Variants in HVCN1 observed in about 807,000 individuals in gnomAD.
HVCN1 encodes the protein hydrogen voltage gated channel 1.
A neutral mutation model predicts 29.2 loss-of-function variants in HVCN1; 14 were observed. The ratio of observed to expected loss-of-function variants is 0.48; its 90% CI spans 0.32 to 0.75. HVCN1 has a LOEUF of 0.75. Among genes scored for constraint, HVCN1 ranks in the 30% least tolerant of loss-of-function variants. HVCN1 has a pLI of 0.04. For synonymous variants in HVCN1, 131 were observed against 133.2 expected (o/e 0.98, Z 0.11); for missense variants, 263 against 341.8 (o/e 0.77, Z 1.82).
At chr12:110,659,202 A>AT (rs11361209) in intron 4 of HVCN1, among the ~76,000 whole-genome samples, 6 of 150,646 alleles carry the variant, frequency 4.0e-5, no homozygotes, top group African/African-American at 7.3e-5. Context: ...GACCAAAATA[A>AT]TTTTTTTTTT....
rs576762111 is a variant in HVCN1, at chr12:110,667,424, G to A, written c.22-5976C>T. 4.2e-4 allele frequency among the ~76,000 whole-genome samples: 64 copies of A among 151,958 alleles called. No individual in the cohort carries two copies. In the South Asian group the frequency reaches 0.012, roughly 28 times the overall value. ...GCTGGGATTACACGCGTGAGCCACC[G>A]TGCCTGGCCATAATTCCCTTTTTTG... On this transcript the variant is annotated intron_variant, in intron 3 of 7. Coordinates refer to ENST00000242607, the MANE Select transcript of HVCN1 (RefSeq NM_032369.4).
In HVCN1 at chr12:110,698,233, C is replaced by G. The variant is rs941692355; in HGVS notation, c.-104+4076G>C. 4.6e-5 allele frequency among the ~76,000 whole-genome samples: 7 copies of G among 152,304 alleles called. No homozygotes were observed. In the East Asian group the frequency reaches 1.3e-3, roughly 29 times the overall value. On this transcript the variant is annotated intron_variant, in intron 2 of 4. Coordinates refer to the HVCN1 transcript ENST00000546713. ...CAGGCTGGTCTTGAACTCCTAGCTTCAAGCGATCCTCCCGTCTTGGCCTCC... is the reference window on the plus strand; with the variant it reads ...CAGGCTGGTCTTGAACTCCTAGCTTGAAGCGATCCTCCCGTCTTGGCCTCC...
chr12:110,673,680 T>C (rs577750445), intron 3 of HVCN1, among the ~76,000 whole-genome samples: 2 of 152,292 alleles, frequency 1.3e-5, no homozygotes, highest in African/African-American at 4.8e-5. Flanking sequence ...GGGGCCAACA[T>C]ACAGCTCAGG....
chr12:110,692,037 C>G (rs1167576596), upstream of HVCN1, among the ~76,000 whole-genome samples: 3 of 152,190 alleles, frequency 2.0e-5, no homozygotes, highest in African/African-American at 4.8e-5. Context: ...TTTCAGTGGA[C>G]AGGAAAAGAT....
intron 1 of HVCN1, among the ~76,000 whole-genome samples, chr12:110,704,140 T>C (rs1422070608): frequency 6.6e-6 from 1 of 152,166 alleles, no homozygotes; most frequent in Non-Finnish European, 1.5e-5. Context: ...ATATTCCCTC[T>C]GGCATGATTT....
At chr12:110,664,542 C>T (rs1354021551) in intron 3 of HVCN1, among the ~76,000 whole-genome samples, 1 of 152,172 alleles carries the variant, frequency 6.6e-6, no homozygotes, top group East Asian at 1.9e-4. Flanking sequence ...GATTATCCCT[C>T]CTGCCATAAC....
rs142929406 is a variant in HVCN1, at chr12:110,652,446, A to G, written c.412-998T>C. 2.9e-3 allele frequency among the ~76,000 whole-genome samples: 434 copies of G among 152,264 alleles called. 2 individuals are homozygous for G. The highest frequency in any genetic ancestry group is 9.5e-3 in the African/African-American group (395 of 41,562). ...CTCACACCAAGATAACCATTTCCAG[A>G]TCTGAGGCAGGGGAGGTACAATGTG... On this transcript the variant is annotated intron_variant, in intron 5 of 7. Transcript: ENST00000242607.
In HVCN1 at chr12:110,648,921, G is replaced by C; in HGVS notation, c.*489C>G. 5 of 413,530 alleles carry C rather than the reference G, an allele frequency of 1.2e-5. No homozygotes were observed. Among genetic ancestry groups the C allele is most frequent in the South Asian group, 8.8e-5 (5 of 56,702 alleles). The allele number at this position is 413,530 out of a possible 1,614,324, so 25.6% of individuals were successfully genotyped here. On this transcript the variant is annotated 3_prime_UTR_variant, in exon 8 of 8. Coordinates refer to ENST00000242607, the MANE Select transcript of HVCN1 (RefSeq NM_032369.4). ...CTGGCTGATGCAGCTGGGGCACACA[G>C]AGGAGGGGCCTGGGTACCCCTTTTG... is the stretch of plus-strand genomic sequence containing the variant.
upstream of HVCN1, among the ~76,000 whole-genome samples, chr12:110,691,306 G>A (rs375717989): frequency 4.8e-4 from 73 of 151,856 alleles, 1 homozygote; most frequent in Non-Finnish European, 1.0e-4. Context: ...CTCGTGCTCC[G>A]TCCTCCTCGG....
chr12:110,650,555 G>C (rs2067758127), intron 6 of HVCN1, among the ~76,000 whole-genome samples: 1 of 152,154 alleles, frequency 6.6e-6, no homozygotes, highest in Non-Finnish European at 1.5e-5. Flanking sequence ...CCTAGAACCT[G>C]TTCACAATCA....
chr12:110,688,573 G>T (rs1365478691), intron 2 of HVCN1, 52 bp downstream of exon 2: 1 of 152,320 alleles, frequency 6.6e-6, no homozygotes, highest in South Asian at 2.1e-4. Flanking sequence ...ACAATCTCCC[G>T]GGAGGGCAGC....
chr12:110,657,606 A>C (rs2068033405), intron 4 of HVCN1, among the ~76,000 whole-genome samples: 1 of 152,336 alleles, frequency 6.6e-6, no homozygotes, highest in South Asian at 2.1e-4. Context: ...ATTTACTTAA[A>C]AATGATTGTT....
intron 3 of HVCN1, chr12:110,682,868 CA>C (rs2069031291): frequency 3.5e-6 from 1 of 283,480 alleles, no homozygotes; most frequent in African/African-American, 2.3e-5. Context: ...GAGGCTGAGG[CA>C]GGAAAATCGC....
At chr12:110,687,266 C>CG (rs1491280564) in intron 2 of HVCN1, among the ~76,000 whole-genome samples, 5 of 150,450 alleles carry the variant, frequency 3.3e-5, no homozygotes, top group Admixed American at 1.3e-4. Context: ...CACCCCCCCC[C>CG]CCCAGCTAAG....
At chr12:110,657,446 G>A (rs1389987674) in intron 4 of HVCN1, among the ~76,000 whole-genome samples, 1 of 149,442 alleles carries the variant, frequency 6.7e-6, no homozygotes, top group African/African-American at 2.5e-5. Context: ...AGTGAGCCGA[G>A]ATCGCACCAT....
chr12:110,659,671 C>T (rs2068098643), intron 4 of HVCN1, among the ~76,000 whole-genome samples: 1 of 152,196 alleles, frequency 6.6e-6, no homozygotes, highest in Admixed American at 6.5e-5. Flanking sequence ...GTAATCACAG[C>T]ACTTTGGGAG....
chr12:110,699,479 G>A (rs565499374), intron 2 of HVCN1, among the ~76,000 whole-genome samples: 40 of 152,094 alleles, frequency 2.6e-4, no homozygotes, highest in Admixed American at 2.4e-3. Flanking sequence ...CCTTCCAGCC[G>A]TCTCCTGTTT....
upstream of HVCN1, among the ~76,000 whole-genome samples, chr12:110,694,082 G>A (rs1443002869): frequency 2.0e-5 from 3 of 152,016 alleles, no homozygotes; most frequent in Admixed American, 2.0e-4. This position sits in a 1 kb window ranked among gnomAD's most constrained non-coding sequence, Gnocchi z 4.6. Context: ...ACTTATTTAG[G>A]GATGGGGTCT....
rs2067588672 is a variant in HVCN1, at chr12:110,648,725, C to CTCCGA, written c.*680_*684dup. 4.0e-6 allele frequency: 1 copy of CTCCGA among 248,144 alleles called. No homozygotes were observed. Among genetic ancestry groups the CTCCGA allele is most frequent in the Admixed American group, 5.7e-5 (1 of 17,536 alleles). The allele number at this position is 248,144 out of a possible 1,614,324, so 15.4% of individuals were successfully genotyped here. On this transcript the variant is annotated 3_prime_UTR_variant, in exon 8 of 8. Coordinates refer to ENST00000242607, the MANE Select transcript of HVCN1 (RefSeq NM_032369.4). ...CACCAGGCACTGTAGCTAGCTTGCT[C>CTCCGA]TCCGACTGGCAGGCTGGTATGGGTG...
Sources: allele counts gnomAD v4.1 joint callset (sites outside exome capture counted in the v4.1 genomes callset), GRCh38; gene constraint gnomAD v4.1.1; non-coding constraint Gnocchi (gnomAD v3.1); transcripts MANE v1.5; gene names NCBI Gene and HGNC (gene_info 2026-07-23, HGNC 2026-07-21).